Variants in TMEM177 observed in about 807,000 individuals in gnomAD.
TMEM177 encodes transmembrane protein 177.
A neutral mutation model predicts 14.2 loss-of-function variants in TMEM177; 4 were observed. The ratio of observed to expected loss-of-function variants is 0.28; its 90% CI spans 0.14 to 0.64. The LOEUF is 0.64. Ranked by LOEUF, TMEM177 falls within the 30% of genes least tolerant of loss-of-function variation. TMEM177 has a pLI of 0.82. For synonymous variants in TMEM177, 179 were observed against 174.5 expected, an observed-to-expected ratio of 1.03 and a Z score of -0.20; for missense variants, 344 against 405.2, an observed-to-expected ratio of 0.85 and a Z score of 1.30.
Position 119,681,602 on chromosome 2 carries a change from A to G in TMEM177, c.749A>G (p.Tyr250Cys), listed in dbSNP as rs1180601258. The G allele has an allele frequency of 5.0e-6, 8 of 1,614,212 alleles. No homozygotes were observed. The highest frequency in any genetic ancestry group is 1.6e-4 in the Middle Eastern group (1 of 6,062). Residue 250 changes from tyrosine to cysteine, a missense_variant, in exon 2 of 2, where the codon TAT (tyrosine) becomes TGT (cysteine). By Grantham distance (194) the Tyr-to-Cys change is radical (BLOSUM62 -2). Transcript: ENST00000272521. ...AAYACGGVEF[Y>C]EKLLSGNLAL... ...TATGCCTGTGGTGGAGTGGAGTTCT[A>G]TGAGAAGCTTCTGTCGGGCAACCTG...
chr2:119,700,861 C>G, the TMEM177 span, among the ~76,000 whole-genome samples: 1 of 152,190 alleles, frequency 6.6e-6, no homozygotes, highest in Non-Finnish European at 1.5e-5. Context: ...AATAGGTAAC[C>G]TTGCTTTTTC....
chr2:119,707,228 G>A, the TMEM177 span, among the ~76,000 whole-genome samples: 2 of 152,230 alleles, frequency 1.3e-5, no homozygotes, highest in Middle Eastern at 3.4e-3. Context: ...CACCCACCCC[G>A]AGGACTTCCA....
chr2:119,693,809 T>TCACACATATCACACACAAACATAC, the TMEM177 span, among the ~76,000 whole-genome samples: 1 of 150,008 alleles, frequency 6.7e-6, no homozygotes, highest in Non-Finnish European at 1.5e-5. Context: ...CACATACACA[T>TCACACATATCACACACAAACATAC]CACACATATC....
the TMEM177 span, among the ~76,000 whole-genome samples, chr2:119,710,588 G>A: frequency 2.6e-5 from 4 of 152,024 alleles, no homozygotes; most frequent in Non-Finnish European, 4.4e-5. Context: ...TTGGGAGATG[G>A]CACTTGGACA....
the TMEM177 span, among the ~76,000 whole-genome samples, chr2:119,716,088 C>T: frequency 3.3e-5 from 5 of 152,174 alleles, no homozygotes; most frequent in African/African-American, 4.8e-5. Context: ...GGACAACACA[C>T]GAGCAGATCC....
downstream of TMEM177, among the ~76,000 whole-genome samples, chr2:119,685,232 G>GCACA (rs569644831): frequency 1.8e-5 from 1 of 56,794 alleles, no homozygotes; most frequent in South Asian, 5.9e-4. Flanking sequence ...CCCTTTGCAG[G>GCACA]CACACACACA....
At chr2:119,716,977 G>A in the TMEM177 span, among the ~76,000 whole-genome samples, 1 of 152,184 alleles carries the variant, frequency 6.6e-6, no homozygotes, top group African/African-American at 2.4e-5. Flanking sequence ...TGATGAACAT[G>A]TTTACTTCTT....
chr2:119,692,947 G>A, the TMEM177 span, among the ~76,000 whole-genome samples: 1 of 124,076 alleles, frequency 8.1e-6, no homozygotes, highest in Admixed American at 1.0e-4. Flanking sequence ...ACTCCAGCCT[G>A]AGTGACAAAG....
At chr2:119,699,499 T>C in the TMEM177 span, among the ~76,000 whole-genome samples, 1 of 152,118 alleles carries the variant, frequency 6.6e-6, no homozygotes, top group Non-Finnish European at 1.5e-5. Context: ...CAGGGTTCCA[T>C]TGTCTTGTTA....
the TMEM177 span, among the ~76,000 whole-genome samples, chr2:119,699,350 A>G: frequency 6.6e-6 from 1 of 152,174 alleles, no homozygotes; most frequent in Non-Finnish European, 1.5e-5. Context: ...TATCACAAGC[A>G]CGGCACGGGG....
At chr2:119,705,333 C>T in the TMEM177 span, among the ~76,000 whole-genome samples, 4,433 of 152,264 alleles carry the variant, frequency 0.029, 107 homozygotes, top group African/African-American at 0.075. Context: ...GCTGCATTCT[C>T]ATCTGGAGGC....
the TMEM177 span, among the ~76,000 whole-genome samples, chr2:119,693,445 G>A: frequency 6.6e-6 from 1 of 152,206 alleles, no homozygotes; most frequent in Non-Finnish European, 1.5e-5. Context: ...AAGATGCGGA[G>A]TGAAGTTGGG....
At chr2:119,710,349 A>G in the TMEM177 span, among the ~76,000 whole-genome samples, 1 of 152,202 alleles carries the variant, frequency 6.6e-6, no homozygotes, top group Non-Finnish European at 1.5e-5. Flanking sequence ...GCACTGCAAG[A>G]GAATTCCAGA....
At chr2:119,699,384 C>T in the TMEM177 span, among the ~76,000 whole-genome samples, 1 of 152,188 alleles carries the variant, frequency 6.6e-6, no homozygotes, top group African/African-American at 2.4e-5. Context: ...GATCCAATCC[C>T]CTCCCACTGT....
the TMEM177 span, among the ~76,000 whole-genome samples, chr2:119,692,090 G>C: frequency 6.6e-6 from 1 of 152,204 alleles, no homozygotes; most frequent in Non-Finnish European, 1.5e-5. Flanking sequence ...CCTAAGCCTG[G>C]AGACCCTTCA....
At chr2:119,716,639 G>C in the TMEM177 span, among the ~76,000 whole-genome samples, 1 of 152,226 alleles carries the variant, frequency 6.6e-6, no homozygotes, top group Non-Finnish European at 1.5e-5. Context: ...ACCTTGGAAG[G>C]AGGAAAGGAC....
At chr2:119,705,990 A>ATATATATTATATATTAAT in the TMEM177 span, among the ~76,000 whole-genome samples, 1 of 14,606 alleles carries the variant, frequency 6.8e-5, no homozygotes, top group Non-Finnish European at 2.5e-4. Flanking sequence ...CTCTCTATAT[A>ATATATATTATATATTAAT]TATATATTAT....
chr2:119,717,062 G>A, the TMEM177 span, among the ~76,000 whole-genome samples: 12 of 152,282 alleles, frequency 7.9e-5, no homozygotes, highest in Non-Finnish European at 1.6e-4. Context: ...ATACAAAAGG[G>A]ACAGGCTTTT....
At chr2:119,706,837 T>A in the TMEM177 span, among the ~76,000 whole-genome samples, 1 of 152,284 alleles carries the variant, frequency 6.6e-6, no homozygotes, top group East Asian at 1.9e-4. Flanking sequence ...CACCAGGCAT[T>A]GCACCCATGT....
Sources: allele counts gnomAD v4.1 joint callset (sites outside exome capture counted in the v4.1 genomes callset), GRCh38; gene constraint gnomAD v4.1.1; transcripts MANE v1.5; gene names NCBI Gene and HGNC (gene_info 2026-07-23, HGNC 2026-07-21).